Variants in ATP9A observed in about 807,000 individuals in gnomAD.
ATP9A encodes the protein probable phospholipid-transporting ATPase IIA.
A neutral mutation model predicts 144.1 loss-of-function variants in ATP9A; 52 were observed. The ratio of observed to expected loss-of-function variants is 0.36; its 90% CI spans 0.29 to 0.45. The LOEUF is 0.45. ATP9A is among the 20% of genes least tolerant of loss of function. ATP9A has a pLI of 1.00. For synonymous variants in ATP9A, 582 were observed against 557.4 expected (o/e 1.04, Z -0.62); for missense variants, 947 against 1,392.7 (o/e 0.68, Z 5.09).
chr20:51,686,560 A>T (rs2077524021), intron 9 of ATP9A, among the ~76,000 whole-genome samples: 1 of 152,230 alleles, frequency 6.6e-6, no homozygotes, highest in Admixed American at 6.5e-5. Context: ...GAAGAACCAC[A>T]AAGGAAAGTA....
chr20:51,716,950 G>T (rs2077664532), intron 3 of ATP9A, among the ~76,000 whole-genome samples: 1 of 152,088 alleles, frequency 6.6e-6, no homozygotes, highest in Admixed American at 6.5e-5. Flanking sequence ...GAGGTGGGCG[G>T]ATCACCTGAG....
At chr20:51,647,914 C>T (rs1045787538) in intron 14 of ATP9A, among the ~76,000 whole-genome samples, 1 of 152,198 alleles carries the variant, frequency 6.6e-6, no homozygotes, top group South Asian at 2.1e-4. Context: ...AAACAGCCCC[C>T]GCTGTCTTCT....
At chr20:51,623,337 C>T (rs997196112) in intron 18 of ATP9A, among the ~76,000 whole-genome samples, 10 of 152,038 alleles carry the variant, frequency 6.6e-5, no homozygotes, top group African/African-American at 9.7e-5. Context: ...GGCTAATGTC[C>T]CATGCTGTGA....
At chr20:51,692,304 T>G (rs1296346228) in intron 7 of ATP9A, among the ~76,000 whole-genome samples, 1 of 152,200 alleles carries the variant, frequency 6.6e-6, no homozygotes, top group South Asian at 2.1e-4. Context: ...AAGTCAACCT[T>G]AGGTGATAAG....
intron 7 of ATP9A, among the ~76,000 whole-genome samples, chr20:51,692,101 A>G (rs1026759329): frequency 6.6e-6 from 1 of 152,170 alleles, no homozygotes; most frequent in African/African-American, 2.4e-5. Flanking sequence ...CCAAGGGGGG[A>G]ATGTAGTTAC....
Position 51,694,108 on chromosome 20 carries a change from G to A in ATP9A, c.548-6C>T. 1 of 1,613,692 alleles carries A rather than the reference G, an allele frequency of 6.2e-7. No homozygotes were observed. The highest frequency in any genetic ancestry group is 8.5e-7 in the Non-Finnish European group (1 of 1,179,684). ...CGTCCGCAAGAAGCATGACCCTGTGGAAGGAAGTCGGGTGCCGTCACCTGC... is the reference window on the plus strand; with the variant it reads ...CGTCCGCAAGAAGCATGACCCTGTGAAAGGAAGTCGGGTGCCGTCACCTGC... On this transcript the variant is annotated splice_region_variant and splice_polypyrimidine_tract_variant and intron_variant, in intron 6 of 27. Coordinates refer to ENST00000338821, the MANE Select transcript of ATP9A (RefSeq NM_006045.3).
chr20:51,651,236 A>G (rs2077363522), intron 14 of ATP9A, among the ~76,000 whole-genome samples: 1 of 141,744 alleles, frequency 7.1e-6, no homozygotes, highest in East Asian at 2.0e-4. Flanking sequence ...ATTATTATTT[A>G]CATAATATAT....
intron 26 of ATP9A, among the ~76,000 whole-genome samples, chr20:51,606,969 A>C (rs1309551565): frequency 6.6e-6 from 1 of 150,636 alleles, no homozygotes; most frequent in Non-Finnish European, 1.5e-5. Flanking sequence ...CATACATAAA[A>C]ATAGAAATAC....
chr20:51,691,241 C>A (rs987615636), intron 7 of ATP9A, among the ~76,000 whole-genome samples: 4 of 152,096 alleles, frequency 2.6e-5, no homozygotes, highest in Non-Finnish European at 5.9e-5. Context: ...CTGAAGTGGG[C>A]GGATCACTTG....
intron 17 of ATP9A, among the ~76,000 whole-genome samples, chr20:51,625,932 C>G (rs140623128): frequency 6.6e-6 from 1 of 152,184 alleles, no homozygotes; most frequent in Non-Finnish European, 1.5e-5. Context: ...GGCTAAAATG[C>G]TTGTTAAATA....
chr20:51,622,054 T>G lies in ATP9A; in HGVS notation c.2115+20A>C. On this transcript the variant is annotated intron_variant, in intron 19 of 27. Coordinates refer to ENST00000338821, the MANE Select transcript of ATP9A (RefSeq NM_006045.3). ...ATCGAACATCATCCCCACATGGCCC[T>G]AACGCAGAGGACACTTTACCAGCCG... 1 of 1,610,112 alleles carries G rather than the reference T, an allele frequency of 6.2e-7. No homozygotes were observed. Among genetic ancestry groups the G allele is most frequent in the Non-Finnish European group, 8.5e-7 (1 of 1,176,426 alleles).
chr20:51,751,497 A>G (rs2077831811), intron 1 of ATP9A, among the ~76,000 whole-genome samples: 1 of 152,060 alleles, frequency 6.6e-6, no homozygotes, highest in African/African-American at 2.4e-5. Flanking sequence ...CCTGGGCTTA[A>G]GAAATCCTCC....
intron 10 of ATP9A, among the ~76,000 whole-genome samples, chr20:51,674,541 A>T (rs908727747): frequency 2.6e-5 from 4 of 152,304 alleles, no homozygotes; most frequent in Admixed American, 1.3e-4. Context: ...GGTGTTCATA[A>T]CAGGCATCCA....
At chr20:51,756,754 G>C (rs983505368) in intron 1 of ATP9A, among the ~76,000 whole-genome samples, 1 of 152,170 alleles carries the variant, frequency 6.6e-6, no homozygotes, top group Non-Finnish European at 1.5e-5. Context: ...CGTGAATTTG[G>C]GGAGGTGTGG....
intron 1 of ATP9A, among the ~76,000 whole-genome samples, chr20:51,751,592 T>C (rs2077832190): frequency 1.3e-5 from 2 of 151,748 alleles, no homozygotes; most frequent in African/African-American, 4.8e-5. Context: ...TTTTTTGTTT[T>C]TGTTTTGTTT....
At chr20:51,744,947 T>C (rs1019083092) in intron 1 of ATP9A, among the ~76,000 whole-genome samples, 1 of 152,062 alleles carries the variant, frequency 6.6e-6, no homozygotes, top group East Asian at 1.9e-4. Flanking sequence ...CTGGCCAACA[T>C]GACGAAACCT....
intron 25 of ATP9A, among the ~76,000 whole-genome samples, chr20:51,608,100 T>C (rs983607263): frequency 4.0e-5 from 6 of 151,186 alleles, no homozygotes; most frequent in African/African-American, 1.5e-4. Flanking sequence ...GAATAAACCT[T>C]CCCTTGGGTA....
At chr20:51,625,040 G>A in intron 18 of ATP9A, 152 bp downstream of exon 18, 3 of 602,742 alleles carry the variant, frequency 5.0e-6, no homozygotes, top group Non-Finnish European at 8.0e-6. Context: ...CAGTTGGAGG[G>A]GCAGAAACAG....
In ATP9A at chr20:51,678,557, G is replaced by A. The variant is rs138186692; in HGVS notation, c.800-2349C>T. The stretch of plus-strand genomic sequence containing the variant: ...AGATGGCAGGCCAGGGAGAGCTTGC[G>A]GTGGCTTCTCGGCAGATGGCAGGCT... On this transcript the variant is annotated intron_variant, in intron 9 of 27. Transcript: ENST00000338821. Among the ~76,000 whole-genome samples the A allele has an allele frequency of 2.8e-3, 419 of 152,306 alleles. 4 individuals carry two copies. Among genetic ancestry groups the A allele is most frequent in the African/African-American group, 9.7e-3 (404 of 41,578 alleles).
Sources: gnomAD v4.1 joint callset for allele counts (sites outside exome capture counted in the v4.1 genomes callset) on GRCh38, gnomAD v4.1.1 for gene constraint, MANE v1.5 for transcripts, NCBI Gene and HGNC (gene_info 2026-07-23, HGNC 2026-07-21) for gene names.